The following CHSY3 variants were observed in gnomAD, a reference collection of about 807,000 sequenced individuals.
The protein encoded by CHSY3 is N-acetylgalactosaminyl-proteoglycan 3-beta-glucuronosyltransferase 3.
CHSY3 carries 35 observed loss-of-function variants against 67.2 expected under a neutral mutation model. The ratio of observed to expected loss-of-function variants is 0.52; its 90% confidence interval spans 0.40 to 0.69. The LOEUF is 0.69. Ranked by LOEUF, CHSY3 falls within the 30% of genes least tolerant of loss-of-function variation. The pLI is 0.00. For synonymous variants in CHSY3, 474 were observed against 434.7 expected (o/e 1.09, Z -1.12); for missense variants, 1,069 against 1,138.5 (o/e 0.94, Z 0.88).
intron 2 of CHSY3, among the ~76,000 whole-genome samples, chr5:130,091,323 T>C (rs1766875577): frequency 6.6e-6 from 1 of 152,234 alleles, no homozygotes; most frequent in Non-Finnish European, 1.5e-5. Flanking sequence ...GGAAATCTTT[T>C]GTGGCGTTTT....
At chr5:129,917,944 T>C (rs1419295752) in intron 2 of CHSY3, among the ~76,000 whole-genome samples, 5 of 152,242 alleles carry the variant, frequency 3.3e-5, no homozygotes, top group Admixed American at 3.3e-4. Flanking sequence ...AATTTGTTTT[T>C]ATCAATTTTC....
At chr5:130,174,045 T>G (rs1231558163) in intron 2 of CHSY3, among the ~76,000 whole-genome samples, 1 of 152,086 alleles carries the variant, frequency 6.6e-6, no homozygotes, top group Non-Finnish European at 1.5e-5. Flanking sequence ...TTTAGTTACA[T>G]AACTAAATCA....
At chr5:129,988,541 G>T (rs566114391) in intron 2 of CHSY3, among the ~76,000 whole-genome samples, 1 of 152,244 alleles carries the variant, frequency 6.6e-6, no homozygotes, top group African/African-American at 2.4e-5. Flanking sequence ...ATCTAATCAG[G>T]AGTTCTTATC....
intron 2 of CHSY3, among the ~76,000 whole-genome samples, chr5:130,081,989 A>G (rs185931787): frequency 6.6e-6 from 1 of 152,216 alleles, no homozygotes; most frequent in East Asian, 1.9e-4. Context: ...AATTTTCCTT[A>G]CTTATAGCTC....
chr5:129,979,268 C>A (rs1322112838), intron 2 of CHSY3, among the ~76,000 whole-genome samples: 1 of 137,658 alleles, frequency 7.3e-6, no homozygotes, highest in Admixed American at 7.3e-5. Flanking sequence ...TTATCAGTAA[C>A]AGTGTAATTC....
At chr5:130,067,790 G>A (rs1216502353) in intron 2 of CHSY3, among the ~76,000 whole-genome samples, 1 of 152,094 alleles carries the variant, frequency 6.6e-6, no homozygotes, top group Non-Finnish European at 1.5e-5. Context: ...ACATGATTGT[G>A]ATATCAAAGA....
intron 2 of CHSY3, among the ~76,000 whole-genome samples, chr5:130,120,411 T>C (rs1767970449): frequency 1.4e-5 from 2 of 140,490 alleles, no homozygotes; most frequent in Non-Finnish European, 3.0e-5. Context: ...CAGAATAATA[T>C]ACGATCAGCT....
chr5:130,102,823 A>G (rs931156198), intron 2 of CHSY3, among the ~76,000 whole-genome samples: 2 of 152,046 alleles, frequency 1.3e-5, no homozygotes, highest in African/African-American at 4.8e-5. Context: ...TTATTTCAAA[A>G]CTGTTTTCTG....
At chr5:129,922,464 G>A (rs567920417) in intron 2 of CHSY3, among the ~76,000 whole-genome samples, 7 of 152,116 alleles carry the variant, frequency 4.6e-5, no homozygotes, top group Admixed American at 3.9e-4. Context: ...AGTGTACAAG[G>A]GTTCCCTTTT....
intron 2 of CHSY3, among the ~76,000 whole-genome samples, chr5:130,033,379 ACT>A (rs1764755380): frequency 6.6e-6 from 1 of 151,948 alleles, no homozygotes; most frequent in South Asian, 2.1e-4. Flanking sequence ...GTAGCTTCTA[ACT>A]CTTCCAGTTT....
chr5:130,087,518 A>G (rs13176903), intron 2 of CHSY3, among the ~76,000 whole-genome samples: 45,628 of 147,788 alleles, frequency 0.31, 6,921 homozygotes, highest in South Asian at 0.41. Flanking sequence ...CTTCAGCAAA[A>G]TCTCAGGATA....
intron 2 of CHSY3, among the ~76,000 whole-genome samples, chr5:130,083,792 C>T (rs1766516957): frequency 6.6e-6 from 1 of 151,764 alleles, no homozygotes; most frequent in Non-Finnish European, 1.5e-5. Context: ...TAAACAAATG[C>T]TGGTTTTTGT....
chr5:130,007,540 A>G (rs1763909048), intron 2 of CHSY3, among the ~76,000 whole-genome samples: 1 of 152,182 alleles, frequency 6.6e-6, no homozygotes, highest in African/African-American at 2.4e-5. Context: ...TGAGTTAAAT[A>G]GGCATGGTTT....
At chr5:129,993,063 G>A (rs1580624593) in intron 2 of CHSY3, among the ~76,000 whole-genome samples, 1 of 152,066 alleles carries the variant, frequency 6.6e-6, no homozygotes, top group African/African-American at 2.4e-5. Flanking sequence ...TACCCATATT[G>A]TCATTTAATT....
At chr5:130,077,753 C>G (rs562003951) in intron 2 of CHSY3, among the ~76,000 whole-genome samples, 1 of 151,764 alleles carries the variant, frequency 6.6e-6, no homozygotes, top group Non-Finnish European at 1.5e-5. Context: ...ATTACTGTGT[C>G]TAACTTTTTA....
At chr5:130,142,782 T>C (rs949075547) in intron 2 of CHSY3, among the ~76,000 whole-genome samples, 4 of 152,148 alleles carry the variant, frequency 2.6e-5, no homozygotes, top group African/African-American at 9.7e-5. Flanking sequence ...TTCACCTTAA[T>C]AGCTGCTTTA....
intron 2 of CHSY3, among the ~76,000 whole-genome samples, chr5:129,978,547 T>C (rs1762877754): frequency 6.6e-6 from 1 of 152,184 alleles, no homozygotes; most frequent in African/African-American, 2.4e-5. Flanking sequence ...CTATATTCCT[T>C]ACTGTGTGGA....
chr5:130,162,826 A>G (rs188866761), intron 2 of CHSY3, among the ~76,000 whole-genome samples: 99 of 152,306 alleles, frequency 6.5e-4, no homozygotes, highest in Non-Finnish European at 1.3e-3. Context: ...CCACATACCA[A>G]TTGTACTGTG....
At chr5:129,951,608 A>T (rs1327502667) in intron 2 of CHSY3, among the ~76,000 whole-genome samples, 1 of 152,186 alleles carries the variant, frequency 6.6e-6, no homozygotes, top group Non-Finnish European at 1.5e-5. Flanking sequence ...TGCCTGTAAA[A>T]TCACATGGCT....
Sources: allele counts gnomAD v4.1 joint callset (sites outside exome capture counted in the v4.1 genomes callset), GRCh38; gene constraint gnomAD v4.1.1; transcripts MANE v1.5; gene names NCBI Gene and HGNC (gene_info 2026-07-23, HGNC 2026-07-21).